Variants in ZC3H12B observed in about 807,000 individuals in gnomAD.
The protein encoded by ZC3H12B is probable ribonuclease ZC3H12B.
A neutral mutation model predicts 43.9 loss-of-function variants in ZC3H12B; 7 were observed. That is an observed-to-expected ratio of 0.16 (90% CI 0.09 to 0.30). The LOEUF is 0.30. ZC3H12B is among the 10% of genes least tolerant of loss of function. ZC3H12B has a pLI of 1.00. For synonymous variants in ZC3H12B, 222 were observed against 241.7 expected (o/e 0.92, Z 0.76); for missense variants, 475 against 670.2 (o/e 0.71, Z 3.22).
chrX:65,203,797 C>G, the ZC3H12B span, among the ~76,000 whole-genome samples: 2 of 111,595 alleles, frequency 1.8e-5, no homozygotes, highest in Non-Finnish European at 3.8e-5. Flanking sequence ...AGCACAGCAC[C>G]AGGACTTGCC....
intron 3 of ZC3H12B, among the ~76,000 whole-genome samples, chrX:65,413,581 A>G (rs1389061631): frequency 1.8e-5 from 2 of 112,128 alleles, no homozygotes; most frequent in East Asian, 2.8e-4. Flanking sequence ...TCAAACATCA[A>G]TTGACTATAG....
the ZC3H12B span, among the ~76,000 whole-genome samples, chrX:65,166,865 T>C: frequency 0.23 from 25,800 of 111,358 alleles, 7,174 homozygotes; most frequent in African/African-American, 0.8. Flanking sequence ...TGTTCATGTC[T>C]TTCGCCCACT....
chrX:65,502,317 T>C, exon 5 of ZC3H12B: 2 of 1,211,281 alleles, frequency 1.7e-6, no homozygotes, highest in East Asian at 5.9e-5. Context: ...TTTGAATCCA[T>C]GGGGGACCAT....
At chrX:65,228,571 T>C in the ZC3H12B span, among the ~76,000 whole-genome samples, 1 of 110,838 alleles carries the variant, frequency 9.0e-6, no homozygotes, top group South Asian at 3.8e-4. Flanking sequence ...GGGTATTCAA[T>C]TAGGAAAAGA....
the ZC3H12B span, among the ~76,000 whole-genome samples, chrX:65,095,216 G>A: frequency 5.4e-5 from 6 of 111,747 alleles, no homozygotes; most frequent in African/African-American, 1.6e-4. Context: ...AGGAAAATCT[G>A]CATAGCTCAG....
At chrX:65,443,488 A>T (rs943681255) in intron 3 of ZC3H12B, among the ~76,000 whole-genome samples, 1 of 112,253 alleles carries the variant, frequency 8.9e-6, no homozygotes, top group East Asian at 2.8e-4. Flanking sequence ...TGAGAGCCCC[A>T]AACAGAGATT....
At chrX:65,204,405 T>C in the ZC3H12B span, among the ~76,000 whole-genome samples, 1 of 111,959 alleles carries the variant, frequency 8.9e-6, no homozygotes, top group Admixed American at 9.5e-5. Context: ...AATTATGTGC[T>C]TTATTTTTTG....
the ZC3H12B span, among the ~76,000 whole-genome samples, chrX:65,195,201 G>T: frequency 1.8e-5 from 2 of 109,449 alleles, no homozygotes; most frequent in African/African-American, 6.6e-5. Context: ...CTGCTATTTT[G>T]TTATTTGTTT....
rs182094393 is a variant in ZC3H12B, at chrX:65,492,963, C to A, written c.608+3554C>A. 1.4e-3 allele frequency among the ~76,000 whole-genome samples: 149 copies of A among 110,275 alleles called. 1 individual carries two copies. Among genetic ancestry groups the A allele is most frequent in the African/African-American group, 4.5e-3 (138 of 30,341 alleles). On this transcript the variant is annotated intron_variant, in intron 1 of 4. Coordinates refer to ENST00000338957, the Ensembl canonical transcript of ZC3H12B. ...CTAAAAATACCAAAAAATAACCCAGCGTGGGGGTTCATGCCCGTAGTCCCA... is the reference window on the plus strand; with the variant it reads ...CTAAAAATACCAAAAAATAACCCAGAGTGGGGGTTCATGCCCGTAGTCCCA...
chrX:65,324,898 A>G, the ZC3H12B span, among the ~76,000 whole-genome samples: 80 of 110,449 alleles, frequency 7.2e-4, no homozygotes, highest in Admixed American at 1.7e-3. Flanking sequence ...AGGGTATTTA[A>G]GTACCCTACT....
the ZC3H12B span, among the ~76,000 whole-genome samples, chrX:65,233,131 C>A: frequency 3.6e-5 from 4 of 111,832 alleles, no homozygotes; most frequent in East Asian, 1.1e-3. Context: ...GAGATATATA[C>A]CACAATACAA....
rs556675284 is a variant in ZC3H12B at position 65,448,092 on chromosome X, G to T, written n.408-40554G>T. Among the ~76,000 whole-genome samples the T allele has an allele frequency of 3.6e-5, 4 of 110,754 alleles. No individual in the cohort carries two copies. In the South Asian group the frequency reaches 1.2e-3, roughly 32 times the overall value. ...CTAAAAATACAAAAAAAAATTAGCC[G>T]GGTGTGGTGGTGGGCACCTGTAGTC... On this transcript the variant is annotated intron_variant and non_coding_transcript_variant, in intron 3 of 5. Transcript: ENST00000617377.
chrX:65,415,908 AATCCTCATTT>A (rs1216863508), intron 3 of ZC3H12B, among the ~76,000 whole-genome samples: 1 of 112,375 alleles, frequency 8.9e-6, no homozygotes, highest in Non-Finnish European at 1.9e-5. Flanking sequence ...AGTTTCAAGT[AATCCTCATTT>A]ATCCTGCATC....
chrX:65,149,049 GT>G, the ZC3H12B span, among the ~76,000 whole-genome samples: 3 of 111,455 alleles, frequency 2.7e-5, no homozygotes, highest in Admixed American at 2.9e-4. Context: ...GTTTCTCTGT[GT>G]TTTTTTGGTT....
chrX:65,071,071 A>G, the ZC3H12B span, among the ~76,000 whole-genome samples: 1 of 108,455 alleles, frequency 9.2e-6, no homozygotes, highest in Non-Finnish European at 1.9e-5. Context: ...TCGCACTATT[A>G]TTGTGTGTGA....
chrX:65,128,301 C>A, the ZC3H12B span, among the ~76,000 whole-genome samples: 26 of 111,857 alleles, frequency 2.3e-4, no homozygotes, highest in Non-Finnish European at 3.8e-4. Context: ...TTTATTTCTC[C>A]TGAGATTTTC....
the ZC3H12B span, among the ~76,000 whole-genome samples, chrX:65,287,068 C>T: frequency 9.0e-6 from 1 of 111,110 alleles, no homozygotes; most frequent in Non-Finnish European, 1.9e-5. Context: ...GAGAGATTAA[C>T]TGCAATACAG....
chrX:65,054,652 C>T, the ZC3H12B span, among the ~76,000 whole-genome samples: 5 of 111,566 alleles, frequency 4.5e-5, no homozygotes, highest in Non-Finnish European at 9.4e-5. Flanking sequence ...ATGGGGGTGG[C>T]GTTGAATCTG....
chrX:65,234,014 C>T, the ZC3H12B span, among the ~76,000 whole-genome samples: 153 of 111,487 alleles, frequency 1.4e-3, 1 homozygote, highest in African/African-American at 4.9e-3. Context: ...TAAATTCATT[C>T]TTCAAGTACA....
Sources: allele counts gnomAD v4.1 joint callset (sites outside exome capture counted in the v4.1 genomes callset), GRCh38; gene constraint gnomAD v4.1.1; transcripts MANE v1.5; gene names NCBI Gene and HGNC (gene_info 2026-07-23, HGNC 2026-07-21).